Variants in MGAT5B observed in about 807,000 individuals in gnomAD.
MGAT5B encodes N-acetylglucosaminyl-transferase Vb.
Under a neutral mutation model 95.1 loss-of-function variants are expected in MGAT5B, and 54 were observed. The observed-to-expected ratio is 0.57, with a 90% confidence interval of 0.46 to 0.71. MGAT5B has a LOEUF of 0.71. Among genes scored for constraint, MGAT5B ranks in the 30% least tolerant of loss-of-function variants. The pLI is 0.00. For missense variants in MGAT5B, 935 were observed against 1,088.6 expected, an observed-to-expected ratio of 0.86 and a Z score of 1.99; for synonymous variants, 464 against 451.0, an observed-to-expected ratio of 1.03 and a Z score of -0.36.
At chr17:76,926,569 C>G (rs776927009) in intron 9 of MGAT5B, 28 bp from the exon 10 acceptor site, 1 of 1,593,178 alleles carries the variant, frequency 6.3e-7, no homozygotes. Context: ...GGTTGCTGAC[C>G]CTGGTTCCTG....
chr17:76,905,002 G>A lies in MGAT5B; in HGVS notation c.691-167G>A, dbSNP rs571419610. On this transcript the variant is annotated intron_variant, in intron 6 of 17. Coordinates refer to ENST00000569840, the MANE Select transcript of MGAT5B (RefSeq NM_001199172.2). The surrounding 1 kb of genome is among the most constrained non-coding windows in gnomAD (Gnocchi z 4.2). ...CTGGGGAGGGTGTGTTGACAGGGCG[G>A]GCAGGGCTCCCTGGTTTTGGGGGCT... Among the ~76,000 whole-genome samples, 24 of 152,340 alleles carry A rather than the reference G, an allele frequency of 1.6e-4. No homozygotes were observed. The highest frequency in any genetic ancestry group is 5.8e-4 in the African/African-American group (24 of 41,584).
rs1229694340 is a variant in MGAT5B at position 76,925,014 on chromosome 17, C to G, written c.1074C>G (p.Pro358=). The G allele has an allele frequency of 1.2e-6, 2 of 1,603,450 alleles. No homozygotes were observed. The highest frequency in any genetic ancestry group is 2.7e-5 in the African/African-American group (2 of 72,850). Residue 358 remains proline, a synonymous_variant, in exon 9 of 18, where the codon CCC becomes CCG. Coordinates refer to ENST00000569840, the MANE Select transcript of MGAT5B (RefSeq NM_001199172.2). The part of the protein sequence containing the change: ...PGRGSCPLTM[P]LPFDLIYTDY... The stretch of plus-strand genomic sequence containing the variant: ...GGGGAAGCTGCCCGCTCACCATGCC[C>G]CTGCCCTTCGACCTCATCTACACCG...
At chr17:76,926,467 A>T in intron 9 of MGAT5B, 130 bp from the exon 10 acceptor site, 1 of 866,130 alleles carries the variant, frequency 1.2e-6, no homozygotes, top group Non-Finnish European at 1.7e-6. Context: ...TCCTAGTCCA[A>T]GTGCTAACAC....
At chr17:76,876,212 C>T (rs1298496963) in intron 2 of MGAT5B, among the ~76,000 whole-genome samples, 1 of 151,990 alleles carries the variant, frequency 6.6e-6, no homozygotes, top group Non-Finnish European at 1.5e-5. Context: ...TGGGGCAGCC[C>T]TGCAGAAAAC....
chr17:76,871,542 C>T (rs928396017), intron 1 of MGAT5B, among the ~76,000 whole-genome samples: 3 of 152,174 alleles, frequency 2.0e-5, no homozygotes, highest in Admixed American at 2.0e-4. Context: ...TTTTTATTTC[C>T]TTCTGCAATT....
chr17:76,902,677 G>C lies in MGAT5B; in HGVS notation c.445+7G>C, dbSNP rs761985793. On this transcript the variant is annotated splice_region_variant and intron_variant, in intron 4 of 17. Coordinates refer to ENST00000569840, the MANE Select transcript of MGAT5B (RefSeq NM_001199172.2). ...CTGCTCCTGCACAGCAAGGGTGGGT[G>C]CCAGGGGGCGGGGGTACCCTCTACC... 7.1e-6 allele frequency: 11 copies of C among 1,545,110 alleles called. No homozygotes were observed. Among genetic ancestry groups the C allele is most frequent in the Admixed American group, 1.8e-5 (1 of 54,062 alleles).
At chr17:76,937,832 G>A in intron 12 of MGAT5B, 156 bp from the exon 13 acceptor site, 1 of 760,890 alleles carries the variant, frequency 1.3e-6, no homozygotes, top group South Asian at 1.9e-5. Context: ...CAGGGCCAGA[G>A]AGGGGCGGGG....
chr17:76,904,227 C>A, intron 5 of MGAT5B, 25 bp from the exon 6 acceptor site: 1 of 1,588,118 alleles, frequency 6.3e-7, no homozygotes. Context: ...GCGCAGCCCC[C>A]TGCCCAGCCT....
At chr17:76,948,517 TG>T in intron 17 of MGAT5B, 122 bp from the exon 18 acceptor site, 1 of 1,013,130 alleles carries the variant, frequency 9.9e-7, no homozygotes, top group Non-Finnish European at 1.4e-6. Context: ...TTACCCAGGC[TG>T]GGATGGGATG....
At position 76,872,869 on chromosome 17, in the gene MGAT5B, C is replaced by T. The variant is rs538320937; in HGVS notation, c.87C>T (p.Ile29=). Residue 29 remains isoleucine (I), a synonymous_variant, in exon 2 of 18, where the codon ATC becomes ATT. Coordinates refer to ENST00000569840, the MANE Select transcript of MGAT5B (RefSeq NM_001199172.2). ...LRPFRLFVLG[I]GFFTLCFLMT... The stretch of plus-strand genomic sequence containing the variant: ...TCCGCAGGCTTTTTGTCCTGGGCAT[C>T]GGCTTCTTCACTCTCTGCTTCCTGA... The T allele has an allele frequency of 3.3e-5, 53 of 1,614,220 alleles. 2 individuals are homozygous for T. The South Asian group carries it at 3.8e-4, about 12-fold the overall frequency.
At position 76,939,030 on chromosome 17, in the gene MGAT5B, GTGTGTGTGT is replaced by G. The variant is rs749788187; in HGVS notation, c.1584+888_1584+896del. 3.1e-4 allele frequency among the ~76,000 whole-genome samples: 13 copies of G among 41,412 alleles called. No individual in the cohort carries two copies. The South Asian group carries it at 0.013, about 40-fold the overall frequency. The allele number at this position is 41,412 out of a possible 152,430, so 27.2% of individuals were successfully genotyped here. On this transcript the variant is annotated intron_variant, in intron 13 of 17. Coordinates refer to ENST00000569840, the MANE Select transcript of MGAT5B (RefSeq NM_001199172.2). ...GCTTGTTTCCCAAGGCATCTTGGGGGTGTGTGTGTGTGTGTGTGTGTGTGTGTGTGTGTG... is the reference window on the plus strand; with the variant it reads ...GCTTGTTTCCCAAGGCATCTTGGGGGGTGTGTGTGTGTGTGTGTGTGTGTG...
At chr17:76,885,234 G>A (rs149866487) in intron 3 of MGAT5B, among the ~76,000 whole-genome samples, 230 of 152,272 alleles carry the variant, frequency 1.5e-3, no homozygotes, top group African/African-American at 5.3e-3. Flanking sequence ...CTCTGACACT[G>A]TCTGTGTGCC....
At position 76,870,687 on chromosome 17, in the gene MGAT5B, C is replaced by T. The variant is rs962429565; in HGVS notation, c.68+1590C>T. Among the ~76,000 whole-genome samples, 1 of 151,970 alleles carries T rather than the reference C, an allele frequency of 6.6e-6. No individual in the cohort carries two copies. The highest frequency in any genetic ancestry group is 2.4e-5 in the African/African-American group (1 of 41,400). ...GTCCCCAAAGTTGTGTAACTTCACC[C>T]CAGGGTCTCCCTGGGCTGCCCGGAG... is the stretch of plus-strand genomic sequence containing the variant. On this transcript the variant is annotated intron_variant, in intron 1 of 17. Transcript: ENST00000569840. The surrounding 1 kb of genome is among the most constrained non-coding windows in gnomAD (Gnocchi z 5.0).
intron 8 of MGAT5B, among the ~76,000 whole-genome samples, chr17:76,910,288 C>T (rs918680145): frequency 3.3e-5 from 5 of 152,202 alleles, no homozygotes; most frequent in Non-Finnish European, 5.9e-5. Context: ...TGTCTGCCAC[C>T]GGCTCCCTCT....
At chr17:76,883,301 A>T (rs1431577410) in intron 3 of MGAT5B, among the ~76,000 whole-genome samples, 1 of 152,112 alleles carries the variant, frequency 6.6e-6, no homozygotes, top group Non-Finnish European at 1.5e-5. Flanking sequence ...CGCCTTTTTT[A>T]AAAAAATCTT....
intron 2 of MGAT5B, 64 bp from the exon 3 acceptor site, chr17:76,882,087 C>G (rs568231471): frequency 4.6e-6 from 7 of 1,526,248 alleles, no homozygotes; most frequent in Admixed American, 1.9e-5. Flanking sequence ...TGCCCCAGCT[C>G]GGACACCAGG....
intron 8 of MGAT5B, among the ~76,000 whole-genome samples, chr17:76,907,927 T>A (rs1968590668): frequency 6.6e-6 from 1 of 152,256 alleles, no homozygotes; most frequent in Non-Finnish European, 1.5e-5. Context: ...TTGCATTTCC[T>A]GAAAGATAAT....
rs1409574922 is a variant in MGAT5B, at chr17:76,915,506, T to G, written c.1025+9319T>G. Among the ~76,000 whole-genome samples, 2 of 152,214 alleles carry G rather than the reference T, an allele frequency of 1.3e-5. No individual in the cohort carries two copies. Among genetic ancestry groups the G allele is most frequent in the East Asian group, 3.8e-4 (2 of 5,196 alleles). ...GGCTCTACCAGGGTTTGTAATATGC[T>G]ATCCCTCGAAACAAACAGGATTCGA... On this transcript the variant is annotated intron_variant, in intron 8 of 17. Transcript: ENST00000569840. This position sits in a 1 kb window ranked among gnomAD's most constrained non-coding sequence, Gnocchi z 8.7.
In MGAT5B at chr17:76,923,074, G is replaced by A. The variant is rs953339295; in HGVS notation, c.1026-1892G>A. Among the ~76,000 whole-genome samples the A allele has an allele frequency of 1.1e-4, 17 of 152,324 alleles. No individual in the cohort carries two copies. The East Asian group carries it at 1.2e-3, about 10-fold the overall frequency. On this transcript the variant is annotated intron_variant, in intron 8 of 17. Coordinates refer to ENST00000569840, the MANE Select transcript of MGAT5B (RefSeq NM_001199172.2). ...TTCCATCACAGCGCTGTCGGCAGGT[G>A]ACCAGAAACATCATCGACACGGCAC...
Sources: allele counts gnomAD v4.1 joint callset (sites outside exome capture counted in the v4.1 genomes callset), GRCh38; gene constraint gnomAD v4.1.1; non-coding constraint Gnocchi (gnomAD v3.1); transcripts MANE v1.5; gene names NCBI Gene and HGNC (gene_info 2026-07-23, HGNC 2026-07-21).